Variants in DMRT1 observed in about 807,000 individuals in gnomAD.
DMRT1 encodes the protein doublesex and mab-3 related transcription factor 1.
DMRT1 carries 7 observed loss-of-function variants against 32.3 expected under a neutral mutation model. The ratio of observed to expected loss-of-function variants is 0.22; its 90% CI spans 0.12 to 0.41. The LOEUF is 0.41. Among genes scored for constraint, DMRT1 ranks in the 10% least tolerant of loss-of-function variants. The pLI is 1.00. For synonymous variants in DMRT1, 278 were observed against 206.1 expected (o/e 1.35, Z -2.99); for missense variants, 625 against 500.5 (o/e 1.25, Z -2.37).
intron 4 of DMRT1, among the ~76,000 whole-genome samples, chr9:930,644 G>A (rs997562673): frequency 3.3e-5 from 5 of 151,964 alleles, no homozygotes; most frequent in Admixed American, 1.3e-4. Flanking sequence ...TCCTGACCTC[G>A]TGATCTGCCT....
intron 3 of DMRT1, among the ~76,000 whole-genome samples, chr9:916,066 A>G (rs1245788152): frequency 1.3e-5 from 2 of 152,116 alleles, no homozygotes; most frequent in South Asian, 4.1e-4. Context: ...TTATATGAAC[A>G]CTGTAAGGTA....
At chr9:927,420 G>C (rs968264406) in intron 4 of DMRT1, among the ~76,000 whole-genome samples, 3 of 152,252 alleles carry the variant, frequency 2.0e-5, no homozygotes, top group South Asian at 2.1e-4. Flanking sequence ...GCTCGTCAGC[G>C]GCCCTTTATA....
chr9:952,458 A>C (rs570104578), intron 4 of DMRT1, among the ~76,000 whole-genome samples: 2 of 152,394 alleles, frequency 1.3e-5, no homozygotes, highest in South Asian at 4.1e-4. Flanking sequence ...GGCAGCCCGT[A>C]AACCTGAGAA....
At chr9:879,359 C>T (rs1337212220) in intron 2 of DMRT1, among the ~76,000 whole-genome samples, 1 of 151,984 alleles carries the variant, frequency 6.6e-6, no homozygotes, top group Non-Finnish European at 1.5e-5. Context: ...TAACATACTT[C>T]AATAAAAATT....
At chr9:865,961 C>T (rs1430916033) in intron 2 of DMRT1, among the ~76,000 whole-genome samples, 1 of 151,774 alleles carries the variant, frequency 6.6e-6, no homozygotes, top group African/African-American at 2.4e-5. Flanking sequence ...GTCAGGAGTT[C>T]GAGACCAGCC....
chr9:923,009 C>T (rs908565429), intron 4 of DMRT1, among the ~76,000 whole-genome samples: 8 of 152,154 alleles, frequency 5.3e-5, no homozygotes, highest in African/African-American at 1.7e-4. Context: ...TTTTCGAATC[C>T]ATCTGGCGTT....
intron 2 of DMRT1, among the ~76,000 whole-genome samples, chr9:885,760 C>T (rs1816903438): frequency 6.6e-6 from 1 of 152,182 alleles, no homozygotes; most frequent in South Asian, 2.1e-4. Flanking sequence ...CAGGCTTCTG[C>T]AGTGGAGCCT....
intron 1 of DMRT1, chr9:843,071 C>T (rs1333709286): frequency 6.6e-6 from 1 of 152,222 alleles, no homozygotes; most frequent in Non-Finnish European, 1.5e-5. Flanking sequence ...TCTCCGACCG[C>T]GCCTTGGGAG....
At chr9:871,244 T>C (rs1158124074) in intron 2 of DMRT1, among the ~76,000 whole-genome samples, 2 of 151,212 alleles carry the variant, frequency 1.3e-5, no homozygotes, top group African/African-American at 4.9e-5. Context: ...CCCAGGCTAG[T>C]CTTGAATTAT....
intron 2 of DMRT1, among the ~76,000 whole-genome samples, chr9:852,398 C>T (rs1472787208): frequency 5.8e-5 from 8 of 138,396 alleles, no homozygotes; most frequent in Admixed American, 7.2e-5. Flanking sequence ...ATAAAATGTA[C>T]TTTTTTTTTT....
chr9:869,775 C>A (rs923187577), intron 2 of DMRT1, among the ~76,000 whole-genome samples: 2 of 152,074 alleles, frequency 1.3e-5, no homozygotes, highest in African/African-American at 2.4e-5. Context: ...TAAGGTGTCG[C>A]ATTCTCTGTC....
rs1004237498 is a variant in DMRT1, at chr9:891,776, G to A, written c.539-2136G>A. Reference sequence around the variant, plus strand: ...CCTGACCTCGTGAATCACCTGCCTCGGCCTCCCAAAGTGCTGGGATTACAG... The same window carrying A: ...CCTGACCTCGTGAATCACCTGCCTCAGCCTCCCAAAGTGCTGGGATTACAG... On this transcript the variant is annotated intron_variant, in intron 2 of 4. Transcript: ENST00000382276. Among the ~76,000 whole-genome samples, 12 of 151,488 alleles carry A rather than the reference G, an allele frequency of 7.9e-5. 1 individual carries two copies. Among genetic ancestry groups the A allele is most frequent in the African/African-American group, 1.9e-4 (8 of 41,248 alleles).
intron 2 of DMRT1, among the ~76,000 whole-genome samples, chr9:854,264 G>A (rs866536309): frequency 1.3e-5 from 2 of 151,584 alleles, no homozygotes; most frequent in African/African-American, 2.4e-5. Context: ...CTACAGGTGC[G>A]CTACATGCCC....
chr9:908,394 G>T (rs564067537), intron 3 of DMRT1, among the ~76,000 whole-genome samples: 8 of 152,274 alleles, frequency 5.3e-5, no homozygotes, highest in African/African-American at 1.9e-4. Context: ...CGAGATTGAG[G>T]CTGCAGTGAG....
At chr9:848,585 A>ACT (rs1363053211) in intron 2 of DMRT1, among the ~76,000 whole-genome samples, 2 of 121,580 alleles carry the variant, frequency 1.6e-5, no homozygotes, top group Admixed American at 2.1e-4. Flanking sequence ...ATGGAGTCTC[A>ACT]CTCTGTTGCC....
intron 4 of DMRT1, among the ~76,000 whole-genome samples, chr9:931,269 G>C (rs1818716637): frequency 6.6e-6 from 1 of 152,174 alleles, no homozygotes; most frequent in East Asian, 1.9e-4. Flanking sequence ...AAAACTATTA[G>C]AGGACCAAGA....
rs181275794 is a variant in DMRT1, at chr9:891,443, C to A, written c.539-2469C>A. 4.5e-3 allele frequency among the ~76,000 whole-genome samples: 658 copies of A among 147,002 alleles called. 1 individual carries two copies. Among genetic ancestry groups the A allele is most frequent in the Non-Finnish European group, 7.8e-3 (524 of 67,418 alleles). ...TCCAGCCTGGGCGACAGAGTGAGAC[C>A]CTGTCTCAAATAAGTAAATAAACAA... is the stretch of plus-strand genomic sequence containing the variant. On this transcript the variant is annotated intron_variant, in intron 2 of 4. Transcript: ENST00000382276.
At chr9:956,563 C>CA (rs199499677) in intron 4 of DMRT1, among the ~76,000 whole-genome samples, 4,961 of 83,702 alleles carry the variant, frequency 0.059, 171 homozygotes, top group East Asian at 0.13. Flanking sequence ...GACCCTGTCT[C>CA]AAAAAAAAAA....
chr9:870,178 A>C (rs1327255449), intron 2 of DMRT1, among the ~76,000 whole-genome samples: 2 of 152,140 alleles, frequency 1.3e-5, no homozygotes, highest in South Asian at 2.1e-4. Context: ...CAGGTGGATC[A>C]CCTGAGGTCA....
Sources: allele counts gnomAD v4.1 joint callset (sites outside exome capture counted in the v4.1 genomes callset), GRCh38; gene constraint gnomAD v4.1.1; transcripts MANE v1.5; gene names NCBI Gene and HGNC (gene_info 2026-07-23, HGNC 2026-07-21).